TBCCD1: variants seen among roughly 807,000 people sequenced by gnomAD.
TBCCD1 encodes the protein TBCC domain containing 1.
A neutral mutation model predicts 53.4 loss-of-function variants in TBCCD1; 26 were observed. That is an observed-to-expected ratio of 0.49 (90% CI 0.36 to 0.68). TBCCD1 has a LOEUF of 0.68. Ranked by LOEUF, TBCCD1 falls within the 30% of genes least tolerant of loss-of-function variation. The probability of loss-of-function intolerance (pLI) is 0.00; values close to 1 mark genes in which losing one functional copy is unlikely to be tolerated. For missense variants in TBCCD1, 558 were observed against 669.5 expected (o/e 0.83, Z 1.84); for synonymous variants, 245 against 241.7 (o/e 1.01, Z -0.13).
chr3:186,552,604 T>G (rs1385419310), intron 6 of TBCCD1, among the ~76,000 whole-genome samples: 3 of 152,162 alleles, frequency 2.0e-5, no homozygotes, highest in African/African-American at 7.2e-5. Flanking sequence ...GCCTTAGATA[T>G]AAAAGTTATT....
upstream of TBCCD1, chr3:186,569,981 C>A: frequency 1.7e-6 from 1 of 597,914 alleles, no homozygotes; most frequent in Non-Finnish European, 3.1e-6. Context: ...GCTTACTATA[C>A]GCCCGATGAT....
rs1714478417 is a variant in TBCCD1, at chr3:186,554,657, T to A, written c.1141A>T (p.Ile381Phe). The A allele has an allele frequency of 6.2e-7, 1 of 1,614,100 alleles. No homozygotes were observed. The highest frequency in any genetic ancestry group is 1.3e-5 in the African/African-American group (1 of 74,940). Reference sequence around the variant, plus strand: ...ATGGACAAACGATGGCAAACAGCAATGACTTTAACATTGTCACAACTGTGG... The same window carrying A: ...ATGGACAAACGATGGCAAACAGCAAAGACTTTAACATTGTCACAACTGTGG... ...HLHSCDNVKV[I>F]AVCHRLSISS... is the part of the protein sequence containing the mutation. Residue 381 changes from isoleucine to phenylalanine, a missense_variant, in exon 6 of 8, where the codon ATT becomes TTT. Coordinates refer to ENST00000338733, the MANE Select transcript of TBCCD1 (RefSeq NM_018138.5).
At chr3:186,556,290 T>C (rs750765490) in intron 4 of TBCCD1, 119 bp downstream of exon 4, 18 of 1,156,032 alleles carry the variant, frequency 1.6e-5, no homozygotes, top group Admixed American at 3.0e-5. Context: ...TTTTCTCTTT[T>C]ATAGGAGCAG....
chr3:186,561,650 A>G (rs1418965478), intron 2 of TBCCD1, among the ~76,000 whole-genome samples: 1 of 152,212 alleles, frequency 6.6e-6, no homozygotes, highest in African/African-American at 2.4e-5. Flanking sequence ...CTAGCCGGGC[A>G]TGGTGGTGGG....
At chr3:186,549,307 AATT>A (rs1714302918) in intron 7 of TBCCD1, among the ~76,000 whole-genome samples, 2 of 151,884 alleles carry the variant, frequency 1.3e-5, no homozygotes, top group Non-Finnish European at 2.9e-5. Flanking sequence ...TAAATAAATT[AATT>A]AATTAATTAA....
At chr3:186,558,707 T>C (rs2108460666) in intron 2 of TBCCD1, 135 bp from the exon 3 acceptor site, 1 of 859,532 alleles carries the variant, frequency 1.2e-6, no homozygotes, top group Non-Finnish European at 1.8e-6. Flanking sequence ...CCAGTTTTGA[T>C]ATGTATGTCT....
At chr3:186,550,227 CAAA>C (rs1313844798) in intron 7 of TBCCD1, among the ~76,000 whole-genome samples, 8 of 72,352 alleles carry the variant, frequency 1.1e-4, no homozygotes, top group Admixed American at 5.8e-4. Flanking sequence ...GACTCTGCCT[CAAA>C]AAAAAAAAAA....
At chr3:186,557,949 G>A (rs1714587683) in intron 3 of TBCCD1, among the ~76,000 whole-genome samples, 1 of 152,080 alleles carries the variant, frequency 6.6e-6, no homozygotes, top group Non-Finnish European at 1.5e-5. Context: ...AAAGAAAAAA[G>A]CAATAAGACA....
At chr3:186,566,072 C>G (rs1252427884) in intron 1 of TBCCD1, among the ~76,000 whole-genome samples, 1 of 150,112 alleles carries the variant, frequency 6.7e-6, no homozygotes, top group Admixed American at 6.6e-5. Flanking sequence ...GAGTCTCGCT[C>G]TGTTGCCCAG....
Position 186,558,559 on chromosome 3 carries a change from G to A in TBCCD1, c.350C>T (p.Thr117Met), listed in dbSNP as rs777990237. The change falls in exon 3 of 8, where the codon ACG (threonine) becomes ATG (methionine). Residue 117 changes from threonine (T) to methionine (M), a missense_variant. By Grantham distance (81) the Thr-to-Met change is moderately conservative. Coordinates refer to ENST00000338733, the MANE Select transcript of TBCCD1 (RefSeq NM_018138.5). ...EKQRNQLSVDTLQFLLFLYIQ... is the reference protein window; with the variant it reads ...EKQRNQLSVDMLQFLLFLYIQ... ...GTATAAGAAGAGCAGAAACTGTAGC[G>A]TGTCCACTGAAAGCTGTCCAAGAAG... 5.0e-6 allele frequency: 8 copies of A among 1,613,456 alleles called. No homozygotes were observed. The highest frequency in any genetic ancestry group is 4.5e-5 in the East Asian group (2 of 44,864).
At chr3:186,563,114 G>A (rs1714732717) in intron 2 of TBCCD1, among the ~76,000 whole-genome samples, 1 of 152,204 alleles carries the variant, frequency 6.6e-6, no homozygotes, top group South Asian at 2.1e-4. Flanking sequence ...CCAAGTGATA[G>A]AAGCATGGAT....
At chr3:186,558,817 T>G (rs1392432104) in intron 2 of TBCCD1, among the ~76,000 whole-genome samples, 2 of 152,192 alleles carry the variant, frequency 1.3e-5, no homozygotes, top group Non-Finnish European at 2.9e-5. Flanking sequence ...CTCAGCTCAC[T>G]GCAACCTCCG....
intron 1 of TBCCD1, among the ~76,000 whole-genome samples, chr3:186,566,194 C>T (rs1314155566): frequency 6.6e-6 from 1 of 152,118 alleles, no homozygotes; most frequent in Non-Finnish European, 1.5e-5. Flanking sequence ...CCCGCCACCA[C>T]GCCAGGCTAA....
At position 186,551,717 on chromosome 3, in the gene TBCCD1, G is replaced by A. The variant is rs543634148; in HGVS notation, c.1545-438C>T. Among the ~76,000 whole-genome samples the A allele has an allele frequency of 2.0e-5, 3 of 152,340 alleles. No individual in the cohort carries two copies. The South Asian group carries it at 6.2e-4, about 32-fold the overall frequency. On this transcript the variant is annotated intron_variant, in intron 6 of 7. Transcript: ENST00000338733. ...AGGCCGGGCATGGTGACTAACGCCT[G>A]TAATCCCAGCACTTTGGGAGGCCAA...
intron 1 of TBCCD1, 105 bp downstream of exon 1, chr3:186,567,162 G>A (rs1714856985): frequency 6.6e-6 from 1 of 152,294 alleles, no homozygotes; most frequent in Non-Finnish European, 1.5e-5. Context: ...GACAGGGTCG[G>A]TAGCTGACCC....
chr3:186,549,271 G>A (rs1219607450), intron 7 of TBCCD1, among the ~76,000 whole-genome samples: 1 of 152,178 alleles, frequency 6.6e-6, no homozygotes, highest in Non-Finnish European at 1.5e-5. Flanking sequence ...TTGGGGGACA[G>A]AGTGAGACTC....
At position 186,551,209 on chromosome 3, in the gene TBCCD1, G is replaced by A. The variant is rs552386653; in HGVS notation, c.1615C>T (p.Arg539Cys). The change falls in exon 7 of 8, where the codon CGC becomes TGC. Residue 539 changes from arginine (R) to cysteine (C), a missense_variant. By Grantham distance (180) the Arg-to-Cys change is radical (BLOSUM62 -3). Coordinates refer to ENST00000338733, the MANE Select transcript of TBCCD1 (RefSeq NM_018138.5). ...FYEWLINTGH[R>C]QQLDSLVPPA... ...GGTACAAGGCTGTCCAGCTGTTGGC[G>A]ATGTCCTGTATTAATCAACCATTCA... is the stretch of plus-strand genomic sequence containing the variant. 13 of 1,612,928 alleles carry A rather than the reference G, an allele frequency of 8.1e-6. No homozygotes were observed. Among genetic ancestry groups the A allele is most frequent in the Admixed American group, 6.7e-5 (4 of 59,994 alleles).
chr3:186,548,927 G>A (rs549607510), intron 7 of TBCCD1, among the ~76,000 whole-genome samples: 3 of 152,246 alleles, frequency 2.0e-5, no homozygotes, highest in African/African-American at 7.2e-5. Context: ...CATTCCACAT[G>A]CATATATATT....
rs150807188 is a variant in TBCCD1 at position 186,547,547 on chromosome 3, C to T, written c.*22-592G>A. On this transcript the variant is annotated intron_variant, in intron 7 of 7. Transcript: ENST00000338733. ...CTGGGATTAGAGACATAGGCCACTG[C>T]GCTCAGCCAAATTGCTAATTCTTAA... Among the ~76,000 whole-genome samples the T allele has an allele frequency of 8.2e-3, 1,247 of 151,702 alleles. 15 individuals are homozygous for T. Among genetic ancestry groups the T allele is most frequent in the African/African-American group, 0.028 (1,177 of 41,312 alleles).
Sources: gnomAD v4.1 joint callset for allele counts (sites outside exome capture counted in the v4.1 genomes callset) on GRCh38, gnomAD v4.1.1 for gene constraint, MANE v1.5 for transcripts, NCBI Gene and HGNC (gene_info 2026-07-23, HGNC 2026-07-21) for gene names.